PRG4: variants seen among roughly 807,000 people sequenced by gnomAD.
PRG4 encodes articular superficial zone protein.
In PRG4, 61 loss-of-function variants were observed where a neutral mutation model predicts 91.2. The observed-to-expected ratio is 0.67, with a 90% CI of 0.54 to 0.83. PRG4 has a LOEUF of 0.83. Ranked by LOEUF, PRG4 falls within the 40% of genes least tolerant of loss-of-function variation. PRG4 has a pLI of 0.00. For synonymous variants in PRG4, 576 were observed against 614.2 expected, an observed-to-expected ratio of 0.94 and a Z score of 0.92; for missense variants, 1,564 against 1,714.2, an observed-to-expected ratio of 0.91 and a Z score of 1.55.
chr1:186,310,915 ATC>A (rs1657166869), intron 8 of PRG4, 117 bp from the exon 9 acceptor site: 1 of 1,111,268 alleles, frequency 9.0e-7, no homozygotes, highest in African/African-American at 1.6e-5. Flanking sequence ...TACCTTTTGT[ATC>A]TGACTAAACT....
At chr1:186,297,647 G>A (rs1352232723) in intron 2 of PRG4, among the ~76,000 whole-genome samples, 2 of 152,012 alleles carry the variant, frequency 1.3e-5, no homozygotes, top group African/African-American at 2.4e-5. Flanking sequence ...CCATCTAGGG[G>A]GATTAATAGT....
At chr1:186,309,751 C>A in intron 7 of PRG4, 42 bp from the exon 8 acceptor site, 1 of 1,387,946 alleles carries the variant, frequency 7.2e-7, no homozygotes, top group South Asian at 1.2e-5. Flanking sequence ...AGACTTTTCT[C>A]ATTCTGTTCT....
chr1:186,304,976 T>G, intron 6 of PRG4, 54 bp downstream of exon 6: 2 of 1,571,810 alleles, frequency 1.3e-6, no homozygotes, highest in Non-Finnish European at 1.7e-6. Flanking sequence ...TAACAATGAT[T>G]ATATTTAAAA....
intron 2 of PRG4, 141 bp downstream of exon 2, chr1:186,297,092 A>G: frequency 1.3e-6 from 1 of 747,910 alleles, no homozygotes; most frequent in Non-Finnish European, 2.3e-6. Context: ...AATAATATAT[A>G]ACATGTAGCC....
chr1:186,307,958 G>A lies in PRG4; in HGVS notation c.2239G>A (p.Asp747Asn). The A allele has an allele frequency of 1.3e-6, 2 of 1,593,428 alleles. No homozygotes were observed. Among genetic ancestry groups the A allele is most frequent in the Non-Finnish European group, 1.7e-6 (2 of 1,175,032 alleles). The change falls in exon 7 of 13, where the codon GAC (aspartate) becomes AAC (asparagine). Residue 747 changes from aspartate to asparagine, a missense_variant. Asp to Asn is a conservative substitution (Grantham distance 23, BLOSUM62 1). Transcript: ENST00000445192. ...TTKEPTSTTSDKPAPTTPKGT... is the reference protein window; with the variant it reads ...TTKEPTSTTSNKPAPTTPKGT... ...CAAGGAGCCCACATCCACCACCTCT[G>A]ACAAGCCCGCTCCAACTACCCCTAA...
intron 2 of PRG4, among the ~76,000 whole-genome samples, chr1:186,299,290 G>A (rs1455094766): frequency 6.6e-6 from 1 of 152,238 alleles, no homozygotes; most frequent in East Asian, 1.9e-4. Context: ...CACTTCAGCA[G>A]TGGTTGTAAG....
intron 6 of PRG4, among the ~76,000 whole-genome samples, chr1:186,305,706 C>T (rs1357880904): frequency 6.6e-6 from 1 of 152,222 alleles, no homozygotes; most frequent in Non-Finnish European, 1.5e-5. Context: ...ACATGTGGGG[C>T]AGCTGCTATG....
At position 186,308,959 on chromosome 1, in the gene PRG4, C is replaced by A. The variant is rs774245370; in HGVS notation, c.3240C>A (p.Asn1080Lys). 1 of 1,606,834 alleles carries A rather than the reference C, an allele frequency of 6.2e-7. No homozygotes were observed. The highest frequency in any genetic ancestry group is 8.5e-7 in the Non-Finnish European group (1 of 1,176,684). Residue 1080 changes from asparagine to lysine, a missense_variant, in exon 7 of 13, where the codon AAC becomes AAA. Transcript: ENST00000445192. ...TGCTCCAAACCACCACCAGACCTAA[C>A]CAAACTCCAAACTCCAAACTAGTTG... ...EAMLQTTTRPNQTPNSKLVEV... is the reference protein window; with the variant it reads ...EAMLQTTTRPKQTPNSKLVEV...
chr1:186,312,090 A>G (rs1657290249), intron 10 of PRG4, 85 bp from the exon 11 acceptor site: 2 of 1,134,458 alleles, frequency 1.8e-6, no homozygotes, highest in East Asian at 2.5e-5. Flanking sequence ...ACTGTTTCCT[A>G]TACATTGTAA....
chr1:186,309,727 TGAAAA>T (rs1166987416), intron 7 of PRG4, 61 bp from the exon 8 acceptor site: 1 of 1,220,884 alleles, frequency 8.2e-7, no homozygotes, highest in Non-Finnish European at 1.2e-6. Context: ...TGGAAAGACT[TGAAAA>T]GAACATACAG....
In PRG4 at chr1:186,307,344, C is replaced by T. The variant is rs771904626; in HGVS notation, c.1625C>T (p.Thr542Ile). 2 of 1,595,690 alleles carry T rather than the reference C, an allele frequency of 1.3e-6. No homozygotes were observed. Among genetic ancestry groups the T allele is most frequent in the African/African-American group, 1.4e-5 (1 of 69,236 alleles). ...TTTKEPAPTT[T>I]KSAPTTPKEP... is the part of the protein sequence containing the mutation. Reference sequence around the variant, plus strand: ...ACCAAGGAGCCTGCACCCACCACTACCAAGTCTGCACCCACCACTCCCAAG... The same window carrying T: ...ACCAAGGAGCCTGCACCCACCACTATCAAGTCTGCACCCACCACTCCCAAG... The change falls in exon 7 of 13, where the codon ACC (threonine) becomes ATC (isoleucine). Residue 542 changes from threonine to isoleucine, a missense_variant. This residue lies in a region of PRG4 where 1,079 missense variants were observed against 1,162.2 expected (regional missense o/e 0.93). Coordinates refer to ENST00000445192, the MANE Select transcript of PRG4 (RefSeq NM_005807.6).
rs1242488092 is a variant in PRG4 at position 186,311,098 on chromosome 1, T to C, written c.3564T>C (p.Val1188=). ...PPSPARRITE[V]WGIPSPIDTV... is the part of the protein sequence containing the mutation. Reference sequence around the variant, plus strand: ...CTCCAGCTCGCAGAATTACTGAAGTTTGGGGTATTCCTTCCCCCATTGATA... The same window carrying C: ...CTCCAGCTCGCAGAATTACTGAAGTCTGGGGTATTCCTTCCCCCATTGATA... The change falls in exon 9 of 13, where the codon GTT becomes GTC. Residue 1188 remains valine, a synonymous_variant. Coordinates refer to ENST00000445192, the MANE Select transcript of PRG4 (RefSeq NM_005807.6). 1 of 1,613,530 alleles carries C rather than the reference T, an allele frequency of 6.2e-7. No homozygotes were observed.
At position 186,308,368 on chromosome 1, in the gene PRG4, A is replaced by G; in HGVS notation, c.2649A>G (p.Glu883=). 6.2e-7 allele frequency: 1 copy of G among 1,613,936 alleles called. No homozygotes were observed. Among genetic ancestry groups the G allele is most frequent in the Non-Finnish European group, 8.5e-7 (1 of 1,180,040 alleles). Residue 883 remains glutamate (E), a synonymous_variant, in exon 7 of 13, where the codon GAA becomes GAG. Coordinates refer to ENST00000445192, the MANE Select transcript of PRG4 (RefSeq NM_005807.6). Reference sequence around the variant, plus strand: ...AATCAACTCCTGAGCTTTCTGCAGAACCCACACCAAAAGCTCTTGAAAACA... The same window carrying G: ...AATCAACTCCTGAGCTTTCTGCAGAGCCCACACCAAAAGCTCTTGAAAACA... The part of the protein sequence containing the change: ...PDESTPELSA[E]PTPKALENSP...
At chr1:186,299,486 G>T (rs879604619) in intron 2 of PRG4, among the ~76,000 whole-genome samples, 9 of 152,240 alleles carry the variant, frequency 5.9e-5, no homozygotes, top group Admixed American at 5.9e-4. Flanking sequence ...ATTCTGGATG[G>T]ATTGTTTACT....
chr1:186,309,614 A>G (rs1303895975), intron 7 of PRG4, among the ~76,000 whole-genome samples, 179 bp from the exon 8 acceptor site: 1 of 152,236 alleles, frequency 6.6e-6, no homozygotes, highest in Admixed American at 6.5e-5. Flanking sequence ...TTTGAAGAGT[A>G]TCATCTTTAA....
rs1557962234 is a variant in PRG4, at chr1:186,309,850, G to T, written c.3479G>T (p.Gly1160Val). The T allele has an allele frequency of 2.5e-6, 4 of 1,613,378 alleles. No homozygotes were observed. The highest frequency in any genetic ancestry group is 3.4e-6 in the Non-Finnish European group (4 of 1,179,496). ...PVDGLTTLRNGTLVAFRGHYF... is the reference protein window; with the variant it reads ...PVDGLTTLRNVTLVAFRGHYF... Reference sequence around the variant, plus strand: ...GATGGACTGACTACTTTGCGCAATGGGACATTAGTTGCATTCCGAGGTGAG... The same window carrying T: ...GATGGACTGACTACTTTGCGCAATGTGACATTAGTTGCATTCCGAGGTGAG... The change falls in exon 8 of 13, where the codon GGG (glycine) becomes GTG (valine). Residue 1160 changes from glycine (G) to valine (V), a missense_variant. Coordinates refer to ENST00000445192, the MANE Select transcript of PRG4 (RefSeq NM_005807.6).
Position 186,312,867 on chromosome 1 carries a change from G to A in PRG4, c.4090G>A (p.Gly1364Ser), listed in dbSNP as rs200043407. The part of the protein sequence containing the change: ...ISLPNIRKPD[G>S]YDYYAFSKDQ... ...ACTGCCCAACATCAGAAAACCTGAC[G>A]GCTATGATTACTATGCCTTTTCTAA... Residue 1364 changes from glycine (G) to serine (S), a missense_variant, in exon 12 of 13, where the codon GGC (glycine) becomes AGC (serine). Physicochemically the swap from Gly to Ser is moderately conservative, Grantham distance 56. Coordinates refer to ENST00000445192, the MANE Select transcript of PRG4 (RefSeq NM_005807.6). The A allele has an allele frequency of 1.3e-4, 207 of 1,612,512 alleles. No individual in the cohort carries two copies. Among genetic ancestry groups the A allele is most frequent in the Non-Finnish European group, 1.7e-4 (198 of 1,178,694 alleles).
At chr1:186,299,996 TTC>T (rs1656093774) in intron 2 of PRG4, 93 bp from the exon 3 acceptor site, 1 of 1,447,744 alleles carries the variant, frequency 6.9e-7, no homozygotes, top group East Asian at 2.3e-5. Flanking sequence ...ATCAATAAAA[TTC>T]TCTCTCACCA....
intron 4 of PRG4, among the ~76,000 whole-genome samples, chr1:186,302,155 C>T (rs1171937586): frequency 1.3e-5 from 2 of 152,178 alleles, no homozygotes; most frequent in African/African-American, 4.8e-5. Context: ...CTTTCAGCTT[C>T]CCTAAACCAG....
Sources: gnomAD v4.1 joint callset for allele counts (sites outside exome capture counted in the v4.1 genomes callset) on GRCh38, gnomAD v4.1.1 for gene constraint, gnomAD v4.1.1 regional missense constraint, MANE v1.5 for transcripts, NCBI Gene and HGNC (gene_info 2026-07-23, HGNC 2026-07-21) for gene names.